HLA-DOA: variants seen among roughly 807,000 people sequenced by gnomAD.
The protein encoded by HLA-DOA is HLA class II histocompatibility antigen, DO alpha chain.
Under a neutral mutation model 22.9 loss-of-function variants are expected in HLA-DOA, and 27 were observed. That is an observed-to-expected ratio of 1.18 (90% CI 0.87 to 1.62). HLA-DOA has a LOEUF of 1.62. HLA-DOA is among the 40% of genes most tolerant of loss of function. The probability of loss-of-function intolerance (pLI) is 0.00; values close to 1 mark genes in which losing one functional copy is unlikely to be tolerated. For missense variants in HLA-DOA, 324 were observed against 332.4 expected, an observed-to-expected ratio of 0.97 and a Z score of 0.20; for synonymous variants, 137 against 138.6, an observed-to-expected ratio of 0.99 and a Z score of 0.08.
rs764730793 is a variant in HLA-DOA at position 33,008,197 on chromosome 6, G to C, written c.147C>G (p.Thr49=). 6.2e-7 allele frequency: 1 copy of C among 1,613,112 alleles called. No individual in the cohort carries two copies. The highest frequency in any genetic ancestry group is 1.1e-5 in the South Asian group (1 of 91,086). ...ACAGCTGTTCCTCATCAAATTCATG[G>C]GTGAACTGGCCCGAGGCGCCGTAAG... is the stretch of plus-strand genomic sequence containing the variant. ...YQSYGASGQF[T]HEFDEEQLFS... The change falls in exon 2 of 5, where the codon ACC becomes ACG. Residue 49 remains threonine (T), a synonymous_variant. Transcript: ENST00000229829.
rs948543400 is a variant in HLA-DOA at position 33,005,930 on chromosome 6, G to C, written c.*908C>G. On this transcript the variant is annotated 3_prime_UTR_variant, in exon 5 of 5. Transcript: ENST00000229829. ...CCAAGCAGTTCTTATGTGCATTCTG[G>C]TTTGAAAACCGTAATCTGTATTGCT... 31 of 152,198 alleles carry C rather than the reference G, an allele frequency of 2.0e-4. No individual in the cohort carries two copies. The highest frequency in any genetic ancestry group is 9.2e-4 in the Admixed American group (14 of 15,272). 9.4% of individuals were successfully genotyped at this position (152,198 alleles called of 1,614,324 possible).
intron 1 of HLA-DOA, 86 bp from the exon 2 acceptor site, chr6:33,008,347 T>C: frequency 6.5e-7 from 1 of 1,546,688 alleles, no homozygotes; most frequent in Non-Finnish European, 8.7e-7. Flanking sequence ...TCCCTGAGCC[T>C]GGGCCCCGTC....
chr6:33,005,087 G>A lies in HLA-DOA; in HGVS notation c.*1751C>T, dbSNP rs1181552042. The A allele has an allele frequency of 6.6e-6, 1 of 152,502 alleles. No individual in the cohort carries two copies. The highest frequency in any genetic ancestry group is 1.5e-5 in the Non-Finnish European group (1 of 68,300). The allele number at this position is 152,502 out of a possible 1,614,324, so 9.4% of individuals were successfully genotyped here. On this transcript the variant is annotated 3_prime_UTR_variant, in exon 5 of 5. Coordinates refer to ENST00000229829, the MANE Select transcript of HLA-DOA (RefSeq NM_002119.4). ...TTCCTAGTCCACCTCAGACCTTGGG[G>A]ATCCCCCTTTCCCATGACCCCCGAT...
chr6:33,009,591 C>A lies in HLA-DOA; in HGVS notation c.-55G>T. 2.2e-6 allele frequency: 3 copies of A among 1,357,930 alleles called. No homozygotes were observed. Among genetic ancestry groups the A allele is most frequent in the South Asian group, 1.4e-5 (1 of 71,438 alleles). The allele number at this position is 1,357,930 out of a possible 1,614,324, so 84.1% of individuals were successfully genotyped here. A position where few individuals can be genotyped will look rare whatever the true frequency, so the allele number is the denominator to read the frequency against. On this transcript the variant is annotated 5_prime_UTR_variant, in exon 1 of 5. Transcript: ENST00000229829. This position sits in a 1 kb window ranked among gnomAD's most constrained non-coding sequence, Gnocchi z 4.8. Reference sequence around the variant, plus strand: ...TCAGTCCGTGTGGTGAGGACAGGAACAAGGCGGAGGTAAAGAAGAAGAAAA... The same window carrying A: ...TCAGTCCGTGTGGTGAGGACAGGAAAAAGGCGGAGGTAAAGAAGAAGAAAA...
chr6:33,007,178 C>G lies in HLA-DOA; in HGVS notation c.651G>C (p.Glu217Asp), dbSNP rs1175256057. 1 of 1,613,900 alleles carries G rather than the reference C, an allele frequency of 6.2e-7. No individual in the cohort carries two copies. Among genetic ancestry groups the G allele is most frequent in the Non-Finnish European group, 8.5e-7 (1 of 1,180,036 alleles). Residue 217 changes from glutamate (E) to aspartate (D), a missense_variant, in exon 4 of 5, where the codon GAG (glutamate) becomes GAC (aspartate). Coordinates refer to ENST00000229829, the MANE Select transcript of HLA-DOA (RefSeq NM_002119.4). ...CCAGGCCCAGGGCACAGACCAGGGTCTCCATGGCATCTGGTGGTGGAATAG... is the reference window on the plus strand; with the variant it reads ...CCAGGCCCAGGGCACAGACCAGGGTGTCCATGGCATCTGGTGGTGGAATAG... ...QVPIPPPDAM[E>D]TLVCALGLAI...
At chr6:33,008,317 C>A in intron 1 of HLA-DOA, 56 bp from the exon 2 acceptor site, 3 of 1,586,388 alleles carry the variant, frequency 1.9e-6, no homozygotes, top group Non-Finnish European at 2.6e-6. Context: ...CTGTCTCATC[C>A]ACAATATGTG....
intron 4 of HLA-DOA, 48 bp from the exon 5 acceptor site, chr6:33,006,889 C>T (rs1331152421): frequency 1.3e-6 from 2 of 1,533,426 alleles, no homozygotes; most frequent in East Asian, 2.2e-5. Flanking sequence ...TTTCAATATG[C>T]TGGGATCCTA....
rs1780904422 is a variant in HLA-DOA, at chr6:33,008,096, T to C, written c.248A>G (p.Gln83Arg). Reference protein sequence around the residue: ...EFGDFARFDPQGGLAGIAAIK... With the variant: ...EFGDFARFDPRGGLAGIAAIK... ...TGCGGCGATGCCGGCCAGCCCGCCCTGCGGGTCAAAGCGGGCAAAGTCACC... is the reference window on the plus strand; with the variant it reads ...TGCGGCGATGCCGGCCAGCCCGCCCCGCGGGTCAAAGCGGGCAAAGTCACC... Residue 83 changes from glutamine to arginine, a missense_variant, in exon 2 of 5, where the codon CAG becomes CGG. Coordinates refer to ENST00000229829, the MANE Select transcript of HLA-DOA (RefSeq NM_002119.4). 1.9e-6 allele frequency: 3 copies of C among 1,612,920 alleles called. No homozygotes were observed. The highest frequency in any genetic ancestry group is 2.5e-6 in the Non-Finnish European group (3 of 1,180,024).
rs2582 is a variant in HLA-DOA, at chr6:33,006,774, G to T, written c.*64C>A. 206,219 of 1,611,676 alleles carry T rather than the reference G, an allele frequency of 0.13. 15,983 individuals are homozygous for T. The highest frequency in any genetic ancestry group is 0.27 in the East Asian group (12,077 of 44,866). On this transcript the variant is annotated 3_prime_UTR_variant, in exon 5 of 5. Coordinates refer to ENST00000229829, the MANE Select transcript of HLA-DOA (RefSeq NM_002119.4). ...CTTAAAGGGCACTGAGCACGCAGGG[G>T]CTGTCACAAACCCATGAGGATCTGC...
In HLA-DOA at chr6:33,008,159, A is replaced by C; in HGVS notation, c.185T>G (p.Leu62Arg). The change falls in exon 2 of 5, where the codon CTG (leucine) becomes CGG (arginine). Residue 62 changes from leucine to arginine, a missense_variant. By Grantham distance (102) the Leu-to-Arg change is moderately radical. Coordinates refer to ENST00000229829, the MANE Select transcript of HLA-DOA (RefSeq NM_002119.4). ...ACGCCACACGGCCTCGCTTTTCTTC[A>C]GGTCCACAGAGAACAGCTGTTCCTC... Reference protein sequence around the residue: ...FDEEQLFSVDLKKSEAVWRLP... With the variant: ...FDEEQLFSVDRKKSEAVWRLP... 1 of 1,613,086 alleles carries C rather than the reference A, an allele frequency of 6.2e-7. No individual in the cohort carries two copies. The highest frequency in any genetic ancestry group is 8.5e-7 in the Non-Finnish European group (1 of 1,180,028).
In HLA-DOA at chr6:33,006,435, C is replaced by CA. The variant is rs1158842423; in HGVS notation, c.*402dup. 1 of 326,944 alleles carries CA rather than the reference C, an allele frequency of 3.1e-6. No individual in the cohort carries two copies. The highest frequency in any genetic ancestry group is 5.8e-6 in the Non-Finnish European group (1 of 173,866). The allele number at this position is 326,944 out of a possible 1,614,324, so 20.3% of individuals were successfully genotyped here. The stretch of plus-strand genomic sequence containing the variant: ...AAGTCCATGTGAAATGGCTCATTCA[C>CA]AAAGTAACACACAATGGGCCAAATG... On this transcript the variant is annotated 3_prime_UTR_variant, in exon 5 of 5. Transcript: ENST00000229829.
In HLA-DOA at chr6:33,008,164, C is replaced by T; in HGVS notation, c.180G>A (p.Val60=). The change falls in exon 2 of 5, where the codon GTG becomes GTA. Residue 60 remains valine (V), a synonymous_variant. Coordinates refer to ENST00000229829, the MANE Select transcript of HLA-DOA (RefSeq NM_002119.4). ...HEFDEEQLFS[V]DLKKSEAVWR... is the part of the protein sequence containing the mutation. ...ACACGGCCTCGCTTTTCTTCAGGTC[C>T]ACAGAGAACAGCTGTTCCTCATCAA... The T allele has an allele frequency of 8.1e-6, 13 of 1,613,094 alleles. No individual in the cohort carries two copies. The highest frequency in any genetic ancestry group is 1.1e-5 in the Non-Finnish European group (13 of 1,180,038).
chr6:33,004,938 C>T lies in HLA-DOA; in HGVS notation c.*1900G>A, dbSNP rs1032248614. 3.9e-5 allele frequency: 6 copies of T among 152,244 alleles called. No individual in the cohort carries two copies. Among genetic ancestry groups the T allele is most frequent in the African/African-American group, 1.4e-4 (6 of 41,474 alleles). The allele number at this position is 152,244 out of a possible 1,614,324, so 9.4% of individuals were successfully genotyped here. Reference sequence around the variant, plus strand: ...TCTCTTAAGAAGCCCATTGAGTCCCCATAATCTCTTGGTTTCTTTCTTTTC... The same window carrying T: ...TCTCTTAAGAAGCCCATTGAGTCCCTATAATCTCTTGGTTTCTTTCTTTTC... On this transcript the variant is annotated 3_prime_UTR_variant, in exon 5 of 5. Transcript: ENST00000229829.
At chr6:33,007,658 T>A (rs1396303401) in intron 2 of HLA-DOA, 66 bp from the exon 3 acceptor site, 11 of 1,522,066 alleles carry the variant, frequency 7.2e-6, no homozygotes, top group Admixed American at 2.0e-5. Context: ...AGGACTGGGA[T>A]TAAGGGACGT....
In HLA-DOA at chr6:33,009,463, GC is replaced by G; in HGVS notation, c.73del (p.Ala25ProfsTer38). The G allele has an allele frequency of 6.3e-7, 1 of 1,599,912 alleles. No homozygotes were observed. Among genetic ancestry groups the G allele is most frequent in the Non-Finnish European group, 8.5e-7 (1 of 1,175,306 alleles). ...CTCGCCCTCGCACTCACCCTTGGTG[GC>G]CCCTGCCTCCTGCGGGCTCAGGAGG... Reference protein sequence around the residue: ...MTLLSPQEAGATKADHMGSYG... With the variant: ...MTLLSPQEAGXTKADHMGSYG... On this transcript the variant is annotated frameshift_variant, in exon 1 of 5. Coordinates refer to ENST00000229829, the MANE Select transcript of HLA-DOA (RefSeq NM_002119.4). LOFTEE classifies it high-confidence loss of function. This position sits in a 1 kb window ranked among gnomAD's most constrained non-coding sequence, Gnocchi z 4.8.
At position 33,007,307 on chromosome 6, in the gene HLA-DOA, G is replaced by A. The variant is rs746092576; in HGVS notation, c.613+4C>T. On this transcript the variant is annotated splice_donor_region_variant and intron_variant, in intron 3 of 4. Transcript: ENST00000229829. ...GGAGGGTGCATGGGGAGGGGGCTCC[G>A]TACCCCAATGCCTGAGGAGTGGCGC... 2.4e-5 allele frequency: 38 copies of A among 1,612,866 alleles called. No homozygotes were observed. Among genetic ancestry groups the A allele is most frequent in the Admixed American group, 1.5e-4 (9 of 60,008 alleles).
At chr6:33,007,666 C>G in intron 2 of HLA-DOA, 74 bp from the exon 3 acceptor site, 1 of 1,500,068 alleles carries the variant, frequency 6.7e-7, no homozygotes, top group Non-Finnish European at 9.0e-7. Context: ...GATTAAGGGA[C>G]GTTCCCCCTT....
rs1481120320 is a variant in HLA-DOA at position 33,004,770 on chromosome 6, C to T, written c.*2068G>A. 1 of 152,156 alleles carries T rather than the reference C, an allele frequency of 6.6e-6. No homozygotes were observed. Among genetic ancestry groups the T allele is most frequent in the Non-Finnish European group, 1.5e-5 (1 of 68,034 alleles). The allele number at this position is 152,156 out of a possible 1,614,324, so 9.4% of individuals were successfully genotyped here. On this transcript the variant is annotated 3_prime_UTR_variant, in exon 5 of 5. Transcript: ENST00000229829. ...ATCTACCCTTGGGCCCTGCACTCCT[C>T]CCCATGGCTATATTGCAAATATCCT...
Position 33,006,201 on chromosome 6 carries a change from C to T in HLA-DOA, c.*637G>A, listed in dbSNP as rs1780803185. 7.9e-6 allele frequency: 1 copy of T among 126,714 alleles called. No individual in the cohort carries two copies. Among genetic ancestry groups the T allele is most frequent in the South Asian group, 2.6e-4 (1 of 3,908 alleles). 7.8% of individuals were successfully genotyped at this position (126,714 alleles called of 1,614,324 possible). A position where few individuals can be genotyped will look rare whatever the true frequency, so the allele number is the denominator to read the frequency against. ...GGGCCTCTCTTTATCATGCATGGGACTCTAGGGAAAAGTAGAAAAAGGAGA... is the reference window on the plus strand; with the variant it reads ...GGGCCTCTCTTTATCATGCATGGGATTCTAGGGAAAAGTAGAAAAAGGAGA... On this transcript the variant is annotated 3_prime_UTR_variant, in exon 5 of 5. Coordinates refer to ENST00000229829, the MANE Select transcript of HLA-DOA (RefSeq NM_002119.4).
Sources: allele counts gnomAD v4.1 joint callset, GRCh38; gene constraint gnomAD v4.1.1; non-coding constraint Gnocchi (gnomAD v3.1); transcripts MANE v1.5; gene names NCBI Gene and HGNC (gene_info 2026-07-23, HGNC 2026-07-21).